PPARGC1A: variants seen among roughly 807,000 people sequenced by gnomAD.
PPARGC1A encodes the protein peroxisome proliferator-activated receptor gamma coactivator 1-alpha.
In PPARGC1A, 25 loss-of-function variants were observed where a neutral mutation model predicts 88.7. The observed-to-expected ratio is 0.28, with a 90% CI of 0.21 to 0.39. The LOEUF is 0.39. PPARGC1A is among the 10% of genes least tolerant of loss of function. The pLI is 1.00. For missense variants in PPARGC1A, 880 were observed against 968.7 expected (o/e 0.91, Z 1.22); for synonymous variants, 363 against 355.6 (o/e 1.02, Z -0.24).
At chr4:24,263,312 C>A in the PPARGC1A span, among the ~76,000 whole-genome samples, 1,955 of 152,220 alleles carry the variant, frequency 0.013, 51 homozygotes, top group East Asian at 0.12. Flanking sequence ...AGAAGAGATG[C>A]GAGAGTGCAT....
chr4:24,037,946 A>T, the PPARGC1A span, among the ~76,000 whole-genome samples: 1 of 152,198 alleles, frequency 6.6e-6, no homozygotes, highest in African/African-American at 2.4e-5. Context: ...GTGTTGACCT[A>T]AATGTCTAGA....
chr4:23,845,798 T>A (rs1475911899), intron 2 of PPARGC1A, among the ~76,000 whole-genome samples: 1 of 152,208 alleles, frequency 6.6e-6, no homozygotes. Context: ...TATATCTAAG[T>A]ATTTTACATG....
the PPARGC1A span, among the ~76,000 whole-genome samples, chr4:23,966,091 C>T: frequency 2.0e-5 from 3 of 152,098 alleles, no homozygotes; most frequent in Non-Finnish European, 4.4e-5. Flanking sequence ...CTGTATTGCT[C>T]GCACACAATT....
chr4:24,460,538 A>G, the PPARGC1A span, among the ~76,000 whole-genome samples: 3 of 151,882 alleles, frequency 2.0e-5, no homozygotes, highest in African/African-American at 7.3e-5. Context: ...TGGGAGAAAT[A>G]ATTTTTAAAT....
chr4:24,291,505 C>G, the PPARGC1A span, among the ~76,000 whole-genome samples: 988 of 152,294 alleles, frequency 6.5e-3, 45 homozygotes, highest in East Asian at 0.13. Context: ...GTAGCACACA[C>G]AGTCTGCAGT....
chr4:23,840,042 T>C (rs1258913445), intron 2 of PPARGC1A, among the ~76,000 whole-genome samples: 1 of 152,080 alleles, frequency 6.6e-6, no homozygotes, highest in Admixed American at 6.6e-5. Flanking sequence ...CATCTCAATA[T>C]TTTATTCTCA....
chr4:24,421,471 C>T, the PPARGC1A span, among the ~76,000 whole-genome samples: 2 of 152,100 alleles, frequency 1.3e-5, no homozygotes, highest in East Asian at 1.9e-4. Flanking sequence ...CCATCAAGTC[C>T]GGCTAATTTT....
At chr4:24,341,652 G>T in the PPARGC1A span, among the ~76,000 whole-genome samples, 2 of 152,302 alleles carry the variant, frequency 1.3e-5, no homozygotes, top group East Asian at 3.9e-4. Context: ...TTTAAGAAAT[G>T]AAGGATAAAT....
chr4:24,376,771 C>T, the PPARGC1A span, among the ~76,000 whole-genome samples: 1 of 152,150 alleles, frequency 6.6e-6, no homozygotes, highest in Non-Finnish European at 1.5e-5. Flanking sequence ...ATGAACTTAC[C>T]TACCTTTCCG....
chr4:24,431,983 A>T, the PPARGC1A span, among the ~76,000 whole-genome samples: 7 of 152,238 alleles, frequency 4.6e-5, no homozygotes, highest in East Asian at 3.8e-4. Flanking sequence ...TTTCAATAAC[A>T]TGTTAGGATA....
the PPARGC1A span, among the ~76,000 whole-genome samples, chr4:24,301,894 C>T: frequency 6.6e-6 from 1 of 151,990 alleles, no homozygotes; most frequent in Non-Finnish European, 1.5e-5. Flanking sequence ...TTATAGGTGC[C>T]CCATAAATGT....
At chr4:24,061,569 T>G in the PPARGC1A span, among the ~76,000 whole-genome samples, 3 of 151,910 alleles carry the variant, frequency 2.0e-5, no homozygotes, top group Non-Finnish European at 4.4e-5. Context: ...CAAAGAGGAG[T>G]CAGGATTAGG....
At chr4:24,032,347 C>A in the PPARGC1A span, among the ~76,000 whole-genome samples, 3 of 152,172 alleles carry the variant, frequency 2.0e-5, no homozygotes, top group African/African-American at 7.2e-5. Flanking sequence ...AGAGACAGAG[C>A]TCACACAGGG....
the PPARGC1A span, among the ~76,000 whole-genome samples, chr4:24,201,257 G>A: frequency 6.6e-6 from 1 of 152,154 alleles, no homozygotes; most frequent in African/African-American, 2.4e-5. Context: ...CAGTTGTCAA[G>A]GTCTAAAAAA....
the PPARGC1A span, among the ~76,000 whole-genome samples, chr4:24,411,883 C>T: frequency 6.6e-6 from 1 of 152,226 alleles, no homozygotes; most frequent in Non-Finnish European, 1.5e-5. Context: ...TATTCCATTG[C>T]CTGGATATAT....
the PPARGC1A span, among the ~76,000 whole-genome samples, chr4:24,001,867 C>A: frequency 6.6e-5 from 10 of 152,106 alleles, no homozygotes; most frequent in African/African-American, 2.2e-4. Context: ...GGCACCGAAA[C>A]AGACGTTCTT....
chr4:24,134,460 G>A, the PPARGC1A span, among the ~76,000 whole-genome samples: 2 of 152,196 alleles, frequency 1.3e-5, no homozygotes, highest in African/African-American at 2.4e-5. Context: ...ATTTCACCAA[G>A]GAAATATGTT....
chr4:24,298,276 C>G, the PPARGC1A span, among the ~76,000 whole-genome samples: 3 of 152,096 alleles, frequency 2.0e-5, no homozygotes, highest in East Asian at 5.8e-4. Flanking sequence ...GTAGTGGCTT[C>G]AGGCTCAGAC....
chr4:24,147,136 G>A, the PPARGC1A span, among the ~76,000 whole-genome samples: 25 of 152,156 alleles, frequency 1.6e-4, no homozygotes, highest in African/African-American at 5.1e-4. Context: ...ACCAACTGTC[G>A]CTCCTCCTCA....
Sources: allele counts gnomAD v4.1 joint callset (sites outside exome capture counted in the v4.1 genomes callset), GRCh38; gene constraint gnomAD v4.1.1; transcripts MANE v1.5; gene names NCBI Gene and HGNC (gene_info 2026-07-23, HGNC 2026-07-21).